The following SETD5 variants were observed in gnomAD, a reference collection of about 807,000 sequenced individuals.
SETD5 encodes the protein histone-lysine N-methyltransferase SETD5.
In SETD5, 44 loss-of-function variants were observed where a neutral mutation model predicts 153.3. That is an observed-to-expected ratio of 0.29 (90% CI 0.23 to 0.37). The LOEUF is 0.37. SETD5 is among the 10% of genes least tolerant of loss of function. The pLI, the probability that SETD5 is intolerant of heterozygous loss-of-function variation, is 1.00. For missense variants in SETD5, 1,544 were observed against 1,768.0 expected, an observed-to-expected ratio of 0.87 and a Z score of 2.27; for synonymous variants, 716 against 645.2, an observed-to-expected ratio of 1.11 and a Z score of -1.66.
intron 13 of SETD5, among the ~76,000 whole-genome samples, chr3:9,446,097 C>T (rs1445264697): frequency 3.3e-5 from 5 of 149,648 alleles, no homozygotes; most frequent in Non-Finnish European, 1.5e-5. Flanking sequence ...ACCATCCTCG[C>T]TAACACGGTG....
At position 9,401,403 on chromosome 3, in the gene SETD5, C is replaced by T. The variant is rs569830244; in HGVS notation, c.-177+3426C>T. ...GAACCTTTTGTGCTCTTGATATTATCATTTTTTAGAGGATCATACAGGCCC... is the reference window on the plus strand; with the variant it reads ...GAACCTTTTGTGCTCTTGATATTATTATTTTTTAGAGGATCATACAGGCCC... On this transcript the variant is annotated intron_variant, in intron 1 of 22. Transcript: ENST00000402198. 7.2e-5 allele frequency among the ~76,000 whole-genome samples: 11 copies of T among 152,274 alleles called. No homozygotes were observed. In the East Asian group the frequency reaches 9.6e-4, roughly 13 times the overall value.
chr3:9,407,211 C>G (rs549298753), intron 1 of SETD5, among the ~76,000 whole-genome samples: 6 of 152,194 alleles, frequency 3.9e-5, no homozygotes, highest in Non-Finnish European at 8.8e-5. Context: ...GCTTGTAATC[C>G]CAGCTACTTG....
At chr3:9,402,707 T>C (rs1369384266) in intron 1 of SETD5, among the ~76,000 whole-genome samples, 1 of 152,208 alleles carries the variant, frequency 6.6e-6, no homozygotes. Flanking sequence ...TAGTTACATG[T>C]ATACTTTTGG....
chr3:9,476,314 C>T lies in SETD5; in HGVS notation c.*223C>T, dbSNP rs1217260696. 3.4e-6 allele frequency: 2 copies of T among 593,950 alleles called. No individual in the cohort carries two copies. The highest frequency in any genetic ancestry group is 6.1e-5 in the Admixed American group (2 of 32,546). 36.8% of individuals were successfully genotyped at this position (593,950 alleles called of 1,614,324 possible). ...GCAGAGACTATAAAGAAGTTTCTCC[C>T]TGCTGTCAAGGGTACATTGTTGACA... On this transcript the variant is annotated 3_prime_UTR_variant, in exon 23 of 23. Transcript: ENST00000402198.
chr3:9,473,285 C>T lies in SETD5; in HGVS notation c.3245C>T (p.Ser1082Phe). ...CGGAAACAAGAAGCTAAGGAAAATT[C>T]TGCTGGTGGGGGAGGTGACTCTGCA... ...RKRKQEAKEN[S>F]AGGGGDSAQS... Residue 1082 changes from serine to phenylalanine, a missense_variant, in exon 20 of 23, where the codon TCT becomes TTT. By Grantham distance (155) the Ser-to-Phe change is radical. Coordinates refer to ENST00000402198, the MANE Select transcript of SETD5 (RefSeq NM_001080517.3). 2 of 1,613,858 alleles carry T rather than the reference C, an allele frequency of 1.2e-6. No homozygotes were observed. Among genetic ancestry groups the T allele is most frequent in the Non-Finnish European group, 1.7e-6 (2 of 1,179,804 alleles).
chr3:9,419,332 C>G (rs560138405), intron 1 of SETD5, among the ~76,000 whole-genome samples: 1 of 152,300 alleles, frequency 6.6e-6, no homozygotes, highest in South Asian at 2.1e-4. Context: ...AGTAGCAAAT[C>G]TACATAATAT....
chr3:9,421,692 A>G (rs1042367213), intron 1 of SETD5, among the ~76,000 whole-genome samples: 17 of 152,192 alleles, frequency 1.1e-4, no homozygotes, highest in African/African-American at 4.1e-4. Flanking sequence ...AAGTTCAGAA[A>G]TTGGATTTTT....
At chr3:9,408,030 G>A (rs1172095418) in intron 1 of SETD5, among the ~76,000 whole-genome samples, 1 of 150,998 alleles carries the variant, frequency 6.6e-6, no homozygotes, top group African/African-American at 2.4e-5. Flanking sequence ...TGTGTAGATA[G>A]TGACCACGTT....
In SETD5 at chr3:9,397,669, C is replaced by T. The variant is rs866892741; in HGVS notation, c.-485C>T. 7 of 179,780 alleles carry T rather than the reference C, an allele frequency of 3.9e-5. No homozygotes were observed. The South Asian group carries it at 4.9e-4, about 12-fold the overall frequency. 11.1% of individuals were successfully genotyped at this position (179,780 alleles called of 1,614,324 possible). ...AGTGAGCTGCCGCCGCCGCCGCCGC[C>T]GCCGCCGCCGCCGCCGCTGCCGGGG... On this transcript the variant is annotated 5_prime_UTR_variant, in exon 1 of 23. Transcript: ENST00000402198.
intron 18 of SETD5, among the ~76,000 whole-genome samples, chr3:9,465,113 GT>G (rs2044401066): frequency 6.6e-6 from 1 of 152,162 alleles, no homozygotes; most frequent in Non-Finnish European, 1.5e-5. Context: ...TTCCCAGGTT[GT>G]TTGGTATTTT....
intron 7 of SETD5, 147 bp from the exon 8 acceptor site, chr3:9,440,309 C>T: frequency 3.3e-6 from 2 of 599,344 alleles, no homozygotes; most frequent in Non-Finnish European, 6.0e-6. Context: ...GAAACCAGAT[C>T]CTCTGACTCC....
Position 9,475,477 on chromosome 3 carries a change from G to C in SETD5, c.3721-6G>C. ...TCCTTATTCGTTTCCTCCCAACTTTGTCTAGCTCCTGCAGTGTGATAGTCC... is the reference window on the plus strand; with the variant it reads ...TCCTTATTCGTTTCCTCCCAACTTTCTCTAGCTCCTGCAGTGTGATAGTCC... On this transcript the variant is annotated splice_region_variant and splice_polypyrimidine_tract_variant and intron_variant, in intron 22 of 22. Coordinates refer to ENST00000402198, the MANE Select transcript of SETD5 (RefSeq NM_001080517.3). The C allele has an allele frequency of 1.2e-6, 2 of 1,602,222 alleles. No individual in the cohort carries two copies. The highest frequency in any genetic ancestry group is 1.7e-6 in the Non-Finnish European group (2 of 1,171,058).
At chr3:9,464,057 G>C (rs1440392274) in intron 17 of SETD5, among the ~76,000 whole-genome samples, 1 of 152,204 alleles carries the variant, frequency 6.6e-6, no homozygotes, top group East Asian at 1.9e-4. Context: ...GAACCCGGGA[G>C]ACGGAGGTTG....
rs1189162185 is a variant in SETD5 at position 9,476,837 on chromosome 3, T to G, written c.*746T>G. 2 of 152,624 alleles carry G rather than the reference T, an allele frequency of 1.3e-5. No individual in the cohort carries two copies. The highest frequency in any genetic ancestry group is 2.9e-5 in the Non-Finnish European group (2 of 68,058). 9.5% of individuals were successfully genotyped at this position (152,624 alleles called of 1,614,324 possible). On this transcript the variant is annotated 3_prime_UTR_variant, in exon 23 of 23. Transcript: ENST00000402198. ...TCCTACTCCCCCTTCCCAAGCTATTTCACAGCTCAGTAACCCATGAAGTAA... is the reference window on the plus strand; with the variant it reads ...TCCTACTCCCCCTTCCCAAGCTATTGCACAGCTCAGTAACCCATGAAGTAA...
At chr3:9,442,092 T>G (rs1303086039) in intron 9 of SETD5, 36 bp from the exon 10 acceptor site, 12 of 1,411,740 alleles carry the variant, frequency 8.5e-6, no homozygotes, top group Non-Finnish European at 1.1e-5. Flanking sequence ...TTCTTATTTG[T>G]GTTGAGAATT....
chr3:9,470,718 G>A lies in SETD5; in HGVS notation c.2984G>A (p.Arg995Gln), dbSNP rs1159605337. The A allele has an allele frequency of 3.7e-6, 6 of 1,613,982 alleles. No individual in the cohort carries two copies. The highest frequency in any genetic ancestry group is 1.3e-5 in the African/African-American group (1 of 75,040). Reference sequence around the variant, plus strand: ...TACTCCCCTTTGAATGCTATGCCTCGAGCAGATGGACTGTATCGAGGATCT... The same window carrying A: ...TACTCCCCTTTGAATGCTATGCCTCAAGCAGATGGACTGTATCGAGGATCT... ...YAYSPLNAMP[R>Q]ADGLYRGSPL... is the part of the protein sequence containing the mutation. Residue 995 changes from arginine to glutamine, a missense_variant, in exon 19 of 23, where the codon CGA (arginine) becomes CAA (glutamine). Physicochemically the swap from Arg to Gln is conservative, Grantham distance 43. Around this residue, in one of 9 missense-constraint regions of SETD5, gnomAD observed 782 missense variants for 787.2 expected, o/e 0.99. Transcript: ENST00000402198.
intron 1 of SETD5, among the ~76,000 whole-genome samples, chr3:9,404,396 C>T (rs946228313): frequency 7.9e-5 from 12 of 152,076 alleles, no homozygotes; most frequent in Non-Finnish European, 1.2e-4. Flanking sequence ...TATAATATTT[C>T]GACCAAAAGA....
chr3:9,441,140 T>G (rs1479793235), intron 8 of SETD5, among the ~76,000 whole-genome samples: 1 of 151,960 alleles, frequency 6.6e-6, no homozygotes, highest in African/African-American at 2.4e-5. Context: ...TTGAATGAAT[T>G]TGAGGTTATA....
At chr3:9,466,021 G>A (rs145643858) in intron 18 of SETD5, among the ~76,000 whole-genome samples, 3 of 152,230 alleles carry the variant, frequency 2.0e-5, no homozygotes, top group Admixed American at 2.0e-4. Flanking sequence ...GGGCGCAGTG[G>A]CTCACACCTA....
Sources: allele counts gnomAD v4.1 joint callset (sites outside exome capture counted in the v4.1 genomes callset), GRCh38; gene constraint gnomAD v4.1.1; regional missense constraint gnomAD v4.1.1; transcripts MANE v1.5; gene names NCBI Gene and HGNC (gene_info 2026-07-23, HGNC 2026-07-21).